IL1RAPL1: variants seen among roughly 807,000 people sequenced by gnomAD.
The protein encoded by IL1RAPL1 is interleukin-1 receptor accessory protein-like 1.
In IL1RAPL1, 3 loss-of-function variants were observed where a neutral mutation model predicts 48.4. The ratio of observed to expected loss-of-function variants is 0.06; its 90% confidence interval spans 0.03 to 0.16. The LOEUF (loss-of-function observed/expected upper bound fraction) is 0.16, where lower values mean the gene tolerates loss of function less well. Among genes scored for constraint, IL1RAPL1 ranks in the 10% least tolerant of loss-of-function variants. IL1RAPL1 has a pLI of 1.00. For synonymous variants in IL1RAPL1, 185 were observed against 187.7 expected (o/e 0.99, Z 0.12); for missense variants, 349 against 530.6 (o/e 0.66, Z 3.36).
intron 2 of IL1RAPL1, among the ~76,000 whole-genome samples, chrX:28,839,288 C>T (rs1443245335): frequency 9.0e-6 from 1 of 110,820 alleles, no homozygotes; most frequent in Non-Finnish European, 1.9e-5. Context: ...CTATACCAAA[C>T]TGTGGTGGAC....
chrX:28,910,568 T>A (rs1923333619), intron 2 of IL1RAPL1, among the ~76,000 whole-genome samples: 1 of 108,814 alleles, frequency 9.2e-6, no homozygotes, highest in Non-Finnish European at 1.9e-5. Context: ...AGAAATAATT[T>A]TCATTTGAAA....
At chrX:29,540,458 C>A (rs1921399370) in intron 5 of IL1RAPL1, among the ~76,000 whole-genome samples, 1 of 111,551 alleles carries the variant, frequency 9.0e-6, no homozygotes, top group African/African-American at 3.3e-5. Flanking sequence ...AAACCAAAAA[C>A]AGCCTGAATA....
chrX:29,228,178 GCACA>G (rs35435025), intron 2 of IL1RAPL1, among the ~76,000 whole-genome samples: 4,298 of 84,285 alleles, frequency 0.051, 192 homozygotes, highest in African/African-American at 0.13. Context: ...ACACACGCGT[GCACA>G]CACACACACA....
intron 2 of IL1RAPL1, among the ~76,000 whole-genome samples, chrX:29,279,027 C>A (rs1468332785): frequency 1.8e-5 from 2 of 112,427 alleles, no homozygotes; most frequent in Non-Finnish European, 3.8e-5. Context: ...AACATGTGTG[C>A]AGATGAGGCA....
chrX:29,300,481 AT>A (rs1932516625), intron 3 of IL1RAPL1, among the ~76,000 whole-genome samples: 1 of 112,408 alleles, frequency 8.9e-6, no homozygotes, highest in African/African-American at 3.2e-5. Flanking sequence ...AGTGCAAACT[AT>A]TTACCTCTTA....
At chrX:29,803,610 CGT>C (rs1491194619) in intron 6 of IL1RAPL1, among the ~76,000 whole-genome samples, 1 of 99,611 alleles carries the variant, frequency 1.0e-5, no homozygotes, top group African/African-American at 3.7e-5. Flanking sequence ...TATATATACA[CGT>C]GTGTATATAT....
At chrX:29,571,658 A>C (rs757277777) in intron 5 of IL1RAPL1, among the ~76,000 whole-genome samples, 1 of 111,949 alleles carries the variant, frequency 8.9e-6, no homozygotes, top group African/African-American at 3.2e-5. Context: ...CATAGAAATA[A>C]TTGCAATATA....
In IL1RAPL1 at chrX:29,460,968, A is replaced by G. The variant is rs995397690; in HGVS notation, c.703+61660A>G. On this transcript the variant is annotated intron_variant, in intron 5 of 10. Transcript: ENST00000378993. ...AAAATTAAACACTTTTTTTTTCTTC[A>G]AGAGATATTATTAAGACAACCTAAA... Among the ~76,000 whole-genome samples, 109 of 111,677 alleles carry G rather than the reference A, an allele frequency of 9.8e-4. 7 individuals carry two copies. The highest frequency in any genetic ancestry group is 1.3e-4 in the Non-Finnish European group (7 of 53,082).
intron 2 of IL1RAPL1, among the ~76,000 whole-genome samples, chrX:29,220,692 A>G (rs1409320105): frequency 8.9e-6 from 1 of 112,227 alleles, no homozygotes; most frequent in Non-Finnish European, 1.9e-5. Context: ...CAACAAATAC[A>G]TAGATCTTCT....
chrX:29,807,311 T>G (rs749251108), intron 6 of IL1RAPL1, among the ~76,000 whole-genome samples: 142 of 110,206 alleles, frequency 1.3e-3, no homozygotes, highest in African/African-American at 4.4e-3. Flanking sequence ...TCAAGAATTT[T>G]TATTTAAAAA....
intron 6 of IL1RAPL1, among the ~76,000 whole-genome samples, chrX:29,762,180 C>T (rs765858066): frequency 2.7e-5 from 3 of 111,743 alleles, no homozygotes; most frequent in African/African-American, 6.5e-5. Context: ...AGAATTTAAG[C>T]GTTCATTGAA....
In IL1RAPL1 at chrX:28,929,169, A is replaced by G. The variant is rs370116931; in HGVS notation, c.82+139744A>G. Among the ~76,000 whole-genome samples, 14 of 112,017 alleles carry G rather than the reference A, an allele frequency of 1.2e-4. No homozygotes were observed. The East Asian group carries it at 2.5e-3, about 20-fold the overall frequency. On this transcript the variant is annotated intron_variant, in intron 2 of 10. Coordinates refer to ENST00000378993, the MANE Select transcript of IL1RAPL1 (RefSeq NM_014271.4). Reference sequence around the variant, plus strand: ...AGATAGTATAGCCTACTACAAACCTAAGCTATATGGTAGAGCCTGTTACTC... The same window carrying G: ...AGATAGTATAGCCTACTACAAACCTGAGCTATATGGTAGAGCCTGTTACTC...
intron 2 of IL1RAPL1, among the ~76,000 whole-genome samples, chrX:28,908,648 A>G (rs1923281480): frequency 9.0e-6 from 1 of 111,600 alleles, no homozygotes; most frequent in Admixed American, 9.6e-5. Flanking sequence ...GAGCTTGAGA[A>G]GAATGTGTAT....
chrX:29,047,863 T>C (rs1353530210), intron 2 of IL1RAPL1, among the ~76,000 whole-genome samples: 1 of 110,814 alleles, frequency 9.0e-6, no homozygotes, highest in Admixed American at 9.6e-5. Context: ...TCAACCTTTT[T>C]TTAAAGTTTT....
chrX:29,587,940 T>C lies in IL1RAPL1; in HGVS notation c.704-80490T>C, dbSNP rs142822181. On this transcript the variant is annotated intron_variant, in intron 5 of 10. Coordinates refer to ENST00000378993, the MANE Select transcript of IL1RAPL1 (RefSeq NM_014271.4). Reference sequence around the variant, plus strand: ...CAAACTATTGCAGGAAGTTCACTTGTACATTTTGTTTTGTTTTATCCACCC... The same window carrying C: ...CAAACTATTGCAGGAAGTTCACTTGCACATTTTGTTTTGTTTTATCCACCC... Among the ~76,000 whole-genome samples, 52 of 112,529 alleles carry C rather than the reference T, an allele frequency of 4.6e-4. 1 individual carries two copies. Among genetic ancestry groups the C allele is most frequent in the Non-Finnish European group, 8.1e-4 (43 of 53,341 alleles).
intron 6 of IL1RAPL1, among the ~76,000 whole-genome samples, chrX:29,896,764 A>AG (rs759412120): frequency 3.6e-5 from 4 of 112,338 alleles, no homozygotes; most frequent in African/African-American, 6.5e-5. Flanking sequence ...AGGAAGATCC[A>AG]GGGGGGAAGA....
At chrX:29,736,721 C>T in intron 6 of IL1RAPL1, among the ~76,000 whole-genome samples, 1 of 111,636 alleles carries the variant, frequency 9.0e-6, no homozygotes, top group East Asian at 2.8e-4. Flanking sequence ...GACTCCGTCT[C>T]AAGAAAAAAA....
At chrX:28,669,850 C>T (rs751113626) in intron 1 of IL1RAPL1, among the ~76,000 whole-genome samples, 13 of 106,260 alleles carry the variant, frequency 1.2e-4, no homozygotes, top group South Asian at 8.0e-4. Flanking sequence ...GAGTTAATTT[C>T]GGTGATCTTG....
At chrX:28,809,515 T>G (rs1936767562) in intron 2 of IL1RAPL1, among the ~76,000 whole-genome samples, 1 of 110,437 alleles carries the variant, frequency 9.1e-6, no homozygotes, top group African/African-American at 3.3e-5. Context: ...ACCAAAGATA[T>G]GCAGCAGTAG....
Sources: allele counts gnomAD v4.1 joint callset (sites outside exome capture counted in the v4.1 genomes callset), GRCh38; gene constraint gnomAD v4.1.1; transcripts MANE v1.5; gene names NCBI Gene and HGNC (gene_info 2026-07-23, HGNC 2026-07-21).